The following WDFY4 variants were observed in gnomAD, a reference collection of about 807,000 sequenced individuals.
WDFY4 encodes WDFY family member 4, also known as WD repeat- and FYVE domain-containing protein 4.
WDFY4 carries 169 observed loss-of-function variants against 351.9 expected under a neutral mutation model. The observed-to-expected ratio is 0.48, with a 90% CI of 0.42 to 0.55. The LOEUF (loss-of-function observed/expected upper bound fraction) is 0.55. Ranked by LOEUF, WDFY4 falls within the 20% of genes least tolerant of loss-of-function variation. The pLI is 0.00. For synonymous variants in WDFY4, 1,622 were observed against 1,574.6 expected (o/e 1.03, Z -0.71); for missense variants, 3,803 against 3,935.6 (o/e 0.97, Z 0.90).
chr10:48,746,822 T>C (rs2065029412), intron 12 of WDFY4, among the ~76,000 whole-genome samples: 1 of 152,168 alleles, frequency 6.6e-6, no homozygotes, highest in Non-Finnish European at 1.5e-5. Flanking sequence ...AACTCAAATA[T>C]TTTTGCCCTT....
chr10:48,943,479 C>T (rs559506788), intron 49 of WDFY4, 30 bp downstream of exon 49: 4 of 1,546,380 alleles, frequency 2.6e-6, no homozygotes, highest in Non-Finnish European at 2.6e-6. Flanking sequence ...ACCACAGCTG[C>T]CCTCAGGTGT....
chr10:48,909,969 TA>T, intron 47 of WDFY4: 1 of 503,298 alleles, frequency 2.0e-6, no homozygotes, highest in Non-Finnish European at 3.5e-6. Context: ...CTATAATATA[TA>T]ATCTGTAATT....
In WDFY4 at chr10:48,910,337, A is replaced by G. The variant is rs919496350; in HGVS notation, c.7586+8474A>G. ...ACACAGCAAGGGCAGAGGTCACACC[A>G]GCTCACCAAGGTCATGCCTGACCTT... On this transcript the variant is annotated intron_variant, in intron 47 of 61. Transcript: ENST00000325239. 4.8e-5 allele frequency: 60 copies of G among 1,260,852 alleles called. 1 individual carries two copies. In the South Asian group the frequency reaches 6.4e-4, roughly 13 times the overall value. The allele number at this position is 1,260,852 out of a possible 1,614,324, so 78.1% of individuals were successfully genotyped here.
At chr10:48,806,481 G>C (rs933326992) in intron 27 of WDFY4, among the ~76,000 whole-genome samples, 3 of 152,090 alleles carry the variant, frequency 2.0e-5, no homozygotes, top group East Asian at 1.9e-4. Context: ...CCCTCTGTCC[G>C]TGCTTGGCAC....
chr10:48,804,854 C>T (rs1206628940), intron 25 of WDFY4: 2 of 917,496 alleles, frequency 2.2e-6, no homozygotes, highest in Non-Finnish European at 2.6e-6. Flanking sequence ...TGGTTTGGGG[C>T]GGGCAGGAAG....
At chr10:48,905,536 G>A (rs1294643119) in intron 47 of WDFY4, among the ~76,000 whole-genome samples, 1 of 152,178 alleles carries the variant, frequency 6.6e-6, no homozygotes, top group African/African-American at 2.4e-5. Flanking sequence ...ACTGGAGCAG[G>A]GTCTTCCAGG....
chr10:48,806,724 A>G (rs1351710740), intron 27 of WDFY4, among the ~76,000 whole-genome samples: 1 of 152,244 alleles, frequency 6.6e-6, no homozygotes, highest in Non-Finnish European at 1.5e-5. Flanking sequence ...GATGGCAGCA[A>G]TCACAACTGC....
At chr10:48,787,881 T>TC (rs779374775) in intron 20 of WDFY4, among the ~76,000 whole-genome samples, 19 of 92,972 alleles carry the variant, frequency 2.0e-4, no homozygotes, top group African/African-American at 1.3e-3. Context: ...CTTCTTTCTT[T>TC]CTTCTTCTTC....
At chr10:48,912,054 G>A (rs1359953270) in intron 47 of WDFY4, among the ~76,000 whole-genome samples, 1 of 152,132 alleles carries the variant, frequency 6.6e-6, no homozygotes, top group African/African-American at 2.4e-5. Context: ...GAAAGTCCTG[G>A]GGGAAAAAAG....
rs2069585674 is a variant in WDFY4 at position 48,867,358 on chromosome 10, T to C, written c.6741+16T>C. 6.9e-7 allele frequency: 1 copy of C among 1,459,184 alleles called. No individual in the cohort carries two copies. 90.4% of individuals were successfully genotyped at this position (1,459,184 alleles called of 1,614,324 possible). A position where few individuals can be genotyped will look rare whatever the true frequency, so the allele number is the denominator to read the frequency against. The stretch of plus-strand genomic sequence containing the variant: ...CCATGTGCAAGTAAGAAACAAAACA[T>C]AGGCTTTCTCTATACAGCAAGCTGG... On this transcript the variant is annotated intron_variant, in intron 40 of 61. Transcript: ENST00000325239.
At chr10:48,711,126 A>G (rs2063758145) in intron 2 of WDFY4, among the ~76,000 whole-genome samples, 1 of 152,200 alleles carries the variant, frequency 6.6e-6, no homozygotes, top group Non-Finnish European at 1.5e-5. Flanking sequence ...ATTTCCTCTA[A>G]CTTATTCATC....
At chr10:48,764,719 C>A (rs1219066923) in intron 13 of WDFY4, among the ~76,000 whole-genome samples, 1 of 152,220 alleles carries the variant, frequency 6.6e-6, no homozygotes, top group Non-Finnish European at 1.5e-5. Context: ...TGTAGCTGCC[C>A]ATGTGATATG....
chr10:48,743,943 G>T lies in WDFY4; in HGVS notation c.2459+395G>T, dbSNP rs1487715586. Among the ~76,000 whole-genome samples the T allele has an allele frequency of 3.3e-5, 5 of 152,266 alleles. No homozygotes were observed. The East Asian group carries it at 9.7e-4, about 29-fold the overall frequency. On this transcript the variant is annotated intron_variant, in intron 12 of 61. Coordinates refer to ENST00000325239, the MANE Select transcript of WDFY4 (RefSeq NM_001394531.1). ...TCTCCTCCCCAGGATGCTGCCAGGG[G>T]TGGGGTGAGATCCTTTGATCTGCAG... is the stretch of plus-strand genomic sequence containing the variant.
At position 48,788,654 on chromosome 10, in the gene WDFY4, C is replaced by T; in HGVS notation, c.3933C>T (p.Asp1311=). ...ADIRNAYNEV[D]SRLIAKEMNI... ...TCAGAAATGCTTACAATGAGGTGGACAGCCGCCTGATCGCCAAAGAGGTAC... is the reference window on the plus strand; with the variant it reads ...TCAGAAATGCTTACAATGAGGTGGATAGCCGCCTGATCGCCAAAGAGGTAC... Residue 1311 remains aspartate (D), a synonymous_variant, in exon 21 of 62, where the codon GAC becomes GAT. Transcript: ENST00000325239. The T allele has an allele frequency of 6.4e-7, 1 of 1,551,698 alleles. No individual in the cohort carries two copies. The highest frequency in any genetic ancestry group is 1.2e-5 in the South Asian group (1 of 84,060).
intron 55 of WDFY4, chr10:48,966,971 C>A: frequency 2.5e-6 from 1 of 392,190 alleles, no homozygotes; most frequent in East Asian, 4.7e-5. Context: ...CATCTCTCTT[C>A]CTCTTCCTCT....
intron 40 of WDFY4, among the ~76,000 whole-genome samples, chr10:48,871,657 T>C (rs1312528785): frequency 6.6e-6 from 1 of 152,150 alleles, no homozygotes; most frequent in Non-Finnish European, 1.5e-5. Context: ...TTAATTTTTT[T>C]GTAGAGACTG....
At chr10:48,747,824 A>G (rs2065060352) in intron 12 of WDFY4, among the ~76,000 whole-genome samples, 1 of 152,206 alleles carries the variant, frequency 6.6e-6, no homozygotes, top group Admixed American at 6.5e-5. Flanking sequence ...TTCTGTGACA[A>G]TCATGGAAGG....
intron 52 of WDFY4, among the ~76,000 whole-genome samples, chr10:48,958,003 G>A (rs1317828497): frequency 6.6e-6 from 1 of 152,228 alleles, no homozygotes; most frequent in Non-Finnish European, 1.5e-5. Flanking sequence ...CTTCTGCAGA[G>A]AACACGCATG....
At chr10:48,751,379 A>G (rs530588920) in intron 12 of WDFY4, among the ~76,000 whole-genome samples, 1 of 152,358 alleles carries the variant, frequency 6.6e-6, no homozygotes, top group East Asian at 1.9e-4. Context: ...TTTAAGCTGT[A>G]GTAGGGCTTT....
Sources: allele counts gnomAD v4.1 joint callset (sites outside exome capture counted in the v4.1 genomes callset), GRCh38; gene constraint gnomAD v4.1.1; transcripts MANE v1.5; gene names NCBI Gene and HGNC (gene_info 2026-07-23, HGNC 2026-07-21).